The following FAM193A variants were observed in gnomAD, a reference collection of about 807,000 sequenced individuals.
The protein encoded by FAM193A is family with sequence similarity 193 member A, also known as protein FAM193A.
A neutral mutation model predicts 126.5 loss-of-function variants in FAM193A; 22 were observed. The ratio of observed to expected loss-of-function variants is 0.17; its 90% confidence interval spans 0.12 to 0.25. FAM193A has a LOEUF of 0.25. FAM193A is among the 10% of genes least tolerant of loss of function. The probability of loss-of-function intolerance (pLI) is 1.00; values close to 1 mark genes in which losing one functional copy is unlikely to be tolerated. For missense variants in FAM193A, 1,675 were observed against 1,672.8 expected (o/e 1.00, Z -0.02); for synonymous variants, 761 against 646.8 (o/e 1.18, Z -2.68).
In FAM193A at chr4:2,659,615, A is replaced by T. The variant is rs17164077; in HGVS notation, c.1447A>T (p.Met483Leu). ...ENNFTDTMRH[M>L]LSSRLSMPDC... ...CAACTTCACAGACACCATGAGGCAC[A>T]TGTTATCGTCCCGGCTGAGCATGCC... is the stretch of plus-strand genomic sequence containing the variant. Residue 483 changes from methionine to leucine, a missense_variant, in exon 9 of 21, where the codon ATG becomes TTG. Met to Leu is a conservative substitution (Grantham distance 15). Coordinates refer to ENST00000637812, the MANE Select transcript of FAM193A (RefSeq NM_001366318.2). 6.2e-7 allele frequency: 1 copy of T among 1,614,086 alleles called. No homozygotes were observed. The highest frequency in any genetic ancestry group is 1.3e-5 in the African/African-American group (1 of 74,950).
intron 1 of FAM193A, among the ~76,000 whole-genome samples, chr4:2,593,867 C>CTTT (rs370535103): frequency 2.6e-3 from 370 of 140,686 alleles, no homozygotes; most frequent in African/African-American, 8.5e-3. Flanking sequence ...ATCAGTGTGC[C>CTTT]TTTTTTTTTT....
chr4:2,637,821 G>A (rs145122042), intron 5 of FAM193A, among the ~76,000 whole-genome samples: 101 of 152,338 alleles, frequency 6.6e-4, no homozygotes, highest in African/African-American at 2.2e-3. Context: ...TGAATTCAGC[G>A]CTAAGGACAG....
At chr4:2,592,203 T>A (rs1401141668) in intron 1 of FAM193A, among the ~76,000 whole-genome samples, 1 of 152,146 alleles carries the variant, frequency 6.6e-6, no homozygotes, top group Non-Finnish European at 1.5e-5. Flanking sequence ...GTGATTCTCC[T>A]GCCTCAGCTT....
intron 2 of FAM193A, among the ~76,000 whole-genome samples, chr4:2,619,506 T>TA (rs1742412268): frequency 1.3e-5 from 2 of 152,016 alleles, no homozygotes; most frequent in African/African-American, 4.8e-5. Context: ...AAAATACTAA[T>TA]TTTTGTATTT....
rs762668327 is a variant in FAM193A, at chr4:2,559,034, C to T, written c.255+21864C>T. On this transcript the variant is annotated intron_variant, in intron 1 of 20. Transcript: ENST00000637812. ...CAGAAACAAGAACAGCATAGGAAGA[C>T]GGCTATAGCTATTGTTAATATTTTT... Among the ~76,000 whole-genome samples, 18 of 152,124 alleles carry T rather than the reference C, an allele frequency of 1.2e-4. 1 individual carries two copies. Among genetic ancestry groups the T allele is most frequent in the Non-Finnish European group, 2.1e-4 (14 of 68,012 alleles).
At chr4:2,632,534 G>A (rs1743694838) in intron 5 of FAM193A, among the ~76,000 whole-genome samples, 1 of 152,172 alleles carries the variant, frequency 6.6e-6, no homozygotes, top group African/African-American at 2.4e-5. Flanking sequence ...GGAATAGAGT[G>A]AGATCCTATC....
intron 2 of FAM193A, among the ~76,000 whole-genome samples, chr4:2,623,852 T>C (rs1742707104): frequency 6.6e-6 from 1 of 152,160 alleles, no homozygotes; most frequent in African/African-American, 2.4e-5. Context: ...TGGAAGTCTC[T>C]CTTGTGACTG....
Position 2,537,139 on chromosome 4 carries a change from C to T in FAM193A, c.224C>T (p.Ala75Val), listed in dbSNP as rs1362639210. 2.1e-5 allele frequency: 4 copies of T among 188,024 alleles called. No homozygotes were observed. Among genetic ancestry groups the T allele is most frequent in the Middle Eastern group, 1.8e-3 (1 of 542 alleles). 11.6% of individuals were successfully genotyped at this position (188,024 alleles called of 1,614,324 possible). A position where few individuals can be genotyped will look rare whatever the true frequency, so the allele number is the denominator to read the frequency against. Residue 75 changes from alanine (A) to valine (V), a missense_variant, in exon 1 of 21, where the codon GCG (alanine) becomes GTG (valine). This residue lies in a region of FAM193A where 1,186 missense variants were observed against 1,109.2 expected (regional missense o/e 1.07). Transcript: ENST00000637812. ...ANGPLGAGAS[A>V]GGAAPGGYFE... The stretch of plus-strand genomic sequence containing the variant: ...GGGCCTCTCGGCGCGGGCGCGAGCG[C>T]GGGCGGCGCCGCCCCCGGAGGCTAC...
At chr4:2,713,214 G>T (rs556504793) in intron 19 of FAM193A, among the ~76,000 whole-genome samples, 239 of 151,946 alleles carry the variant, frequency 1.6e-3, no homozygotes, top group Middle Eastern at 0.01. Context: ...AGACCATCCT[G>T]GCCAACATGG....
intron 20 of FAM193A, among the ~76,000 whole-genome samples, chr4:2,724,128 T>A (rs1361086859): frequency 6.6e-6 from 1 of 152,204 alleles, no homozygotes; most frequent in Non-Finnish European, 1.5e-5. Flanking sequence ...AGAAAACCAG[T>A]TGCATCAGTG....
At position 2,675,604 on chromosome 4, in the gene FAM193A, C is replaced by T. The variant is rs1458522288; in HGVS notation, c.2331+3232C>T. Among the ~76,000 whole-genome samples, 4 of 152,178 alleles carry T rather than the reference C, an allele frequency of 2.6e-5. No homozygotes were observed. The East Asian group carries it at 7.7e-4, about 29-fold the overall frequency. ...GGTTAGTGCTAGCATGGTATATCTT[C>T]CTTCATTGCTTACTTTTTGAAAAGA... On this transcript the variant is annotated intron_variant, in intron 13 of 20. Coordinates refer to ENST00000637812, the MANE Select transcript of FAM193A (RefSeq NM_001366318.2).
In FAM193A at chr4:2,659,554, CTAGT is replaced by C. The variant is rs1712143924; in HGVS notation, c.1390-1_1392del. The C allele has an allele frequency of 6.2e-7, 1 of 1,604,436 alleles. No homozygotes were observed. Among genetic ancestry groups the C allele is most frequent in the Non-Finnish European group, 8.5e-7 (1 of 1,171,226 alleles). ...AGATTAAAGCATTTTAAAATTTCCTCTAGTTAACCAATAAGAAAGCAGTTACTGG... is the reference window on the plus strand; with the variant it reads ...AGATTAAAGCATTTTAAAATTTCCTCTAACCAATAAGAAAGCAGTTACTGG... On this transcript the variant is annotated splice_acceptor_variant and splice_polypyrimidine_tract_variant and coding_sequence_variant and intron_variant, in exon 9 of 21. Coordinates refer to ENST00000637812, the MANE Select transcript of FAM193A (RefSeq NM_001366318.2). LOFTEE classifies it high-confidence loss of function.
intron 1 of FAM193A, among the ~76,000 whole-genome samples, chr4:2,588,130 C>CA (rs1740336636): frequency 6.6e-6 from 1 of 152,190 alleles, no homozygotes; most frequent in South Asian, 2.1e-4. Flanking sequence ...CTCCTCAGCA[C>CA]AGAGTCCATG....
At chr4:2,644,912 A>C (rs1468344550) in intron 6 of FAM193A, among the ~76,000 whole-genome samples, 3 of 152,250 alleles carry the variant, frequency 2.0e-5, no homozygotes. Flanking sequence ...TAAATAATTT[A>C]GTATTTCTTA....
At chr4:2,693,192 G>C (rs914129306) in intron 15 of FAM193A, among the ~76,000 whole-genome samples, 4 of 151,864 alleles carry the variant, frequency 2.6e-5, no homozygotes, top group African/African-American at 9.7e-5. Flanking sequence ...CTAATTTTTT[G>C]TATTTCTAGT....
chr4:2,650,864 G>A (rs371333469), intron 7 of FAM193A, among the ~76,000 whole-genome samples: 3 of 152,160 alleles, frequency 2.0e-5, no homozygotes, highest in African/African-American at 4.8e-5. Context: ...TGGCAGCAAC[G>A]GTATTTGCCT....
At chr4:2,676,562 TA>T (rs1714425729) in intron 13 of FAM193A, among the ~76,000 whole-genome samples, 1 of 152,248 alleles carries the variant, frequency 6.6e-6, no homozygotes, top group Non-Finnish European at 1.5e-5. Context: ...ATTAGTCCTT[TA>T]TCAGATATAT....
intron 17 of FAM193A, among the ~76,000 whole-genome samples, chr4:2,695,454 T>G (rs1270710128): frequency 1.3e-5 from 2 of 152,194 alleles, no homozygotes; most frequent in African/African-American, 4.8e-5. Flanking sequence ...TGTGTGCAGT[T>G]GGGTTTCTCT....
chr4:2,652,640 C>T (rs893035637), intron 7 of FAM193A, among the ~76,000 whole-genome samples: 5 of 152,166 alleles, frequency 3.3e-5, no homozygotes, highest in South Asian at 4.2e-4. Context: ...ACAGCACCTT[C>T]GGGGAAATCT....
Sources: gnomAD v4.1 joint callset for allele counts (sites outside exome capture counted in the v4.1 genomes callset) on GRCh38, gnomAD v4.1.1 for gene constraint, gnomAD v4.1.1 regional missense constraint, MANE v1.5 for transcripts, NCBI Gene and HGNC (gene_info 2026-07-23, HGNC 2026-07-21) for gene names.